CFAP418: variants seen among roughly 807,000 people sequenced by gnomAD.
CFAP418 encodes the protein cilia and flagella associated protein 418.
In CFAP418, 27 loss-of-function variants were observed where a neutral mutation model predicts 24.7. That is an observed-to-expected ratio of 1.09 (90% CI 0.81 to 1.51). The LOEUF (loss-of-function observed/expected upper bound fraction) is 1.51. Among genes scored for constraint, CFAP418 ranks in the 40% most tolerant of loss-of-function variants. The pLI is 0.00. For synonymous variants in CFAP418, 74 were observed against 87.3 expected, an observed-to-expected ratio of 0.85 and a Z score of 0.85; for missense variants, 257 against 255.2, an observed-to-expected ratio of 1.01 and a Z score of -0.05.
chr8:95,267,474 G>C (rs1430911510), intron 1 of CFAP418, among the ~76,000 whole-genome samples: 1 of 152,168 alleles, frequency 6.6e-6, no homozygotes, highest in Non-Finnish European at 1.5e-5. Context: ...GGTGGCGGGC[G>C]CCTGTAGTCT....
intron 3 of CFAP418, 87 bp downstream of exon 3, chr8:95,260,381 T>C: frequency 1.0e-6 from 1 of 959,104 alleles, no homozygotes; most frequent in Non-Finnish European, 1.6e-6. Flanking sequence ...ATGTCACTGC[T>C]GTTTAAATGG....
In CFAP418 at chr8:95,269,156, C is replaced by G. The variant is rs780006826; in HGVS notation, c.34G>C (p.Val12Leu). Residue 12 changes from valine (V) to leucine (L), a missense_variant, in exon 1 of 6, where the codon GTC becomes CTC. Transcript: ENST00000286688. ...AEDLDELLDE[V>L]ESKFCTPDLL... ...TCAGGTGTGCAAAACTTGGACTCGA[C>G]TTCATCCAAGAGCTCGTCCAGGTCC... The G allele has an allele frequency of 1.2e-6, 2 of 1,614,252 alleles. No individual in the cohort carries two copies. Among genetic ancestry groups the G allele is most frequent in the Admixed American group, 1.7e-5 (1 of 60,038 alleles).
chr8:95,257,318 T>C (rs572688527), intron 4 of CFAP418, among the ~76,000 whole-genome samples: 2 of 152,318 alleles, frequency 1.3e-5, no homozygotes, highest in East Asian at 3.9e-4. Flanking sequence ...GGTGATTCAA[T>C]TACTATTAAT....
rs370011999 is a variant in CFAP418 at position 95,252,230 on chromosome 8, T to C, written c.428A>G (p.Asp143Gly). ...IACDFLVVSY[D>G]DYMWDKSCDY... ...ACACGATTTGTCCCACATATAGTCA[T>C]CATAGCTGACTACCAAGAAATCACA... The change falls in exon 5 of 6, where the codon GAT becomes GGT. Residue 143 changes from aspartate to glycine, a missense_variant. Coordinates refer to ENST00000286688, the MANE Select transcript of CFAP418 (RefSeq NM_177965.4). 5 of 1,613,770 alleles carry C rather than the reference T, an allele frequency of 3.1e-6. No individual in the cohort carries two copies. The African/African-American group carries it at 6.7e-5, about 22-fold the overall frequency.
intron 1 of CFAP418, among the ~76,000 whole-genome samples, chr8:95,268,264 AC>A (rs778610937): frequency 2.6e-5 from 4 of 152,184 alleles, no homozygotes; most frequent in Non-Finnish European, 5.9e-5. Context: ...CCTGGCCAAC[AC>A]AGTGAGACTG....
intron 1 of CFAP418, among the ~76,000 whole-genome samples, chr8:95,265,607 C>T (rs1371855476): frequency 6.6e-6 from 1 of 152,184 alleles, no homozygotes; most frequent in Non-Finnish European, 1.5e-5. Context: ...CTTTGGCTTT[C>T]AGGACATACT....
chr8:95,254,360 C>T (rs1811755047), intron 4 of CFAP418, among the ~76,000 whole-genome samples: 2 of 152,192 alleles, frequency 1.3e-5, no homozygotes, highest in Admixed American at 6.5e-5. Flanking sequence ...AGAAATCAAA[C>T]AACGCAAATA....
intron 1 of CFAP418, 73 bp downstream of exon 1, chr8:95,268,962 G>C: frequency 6.6e-7 from 1 of 1,509,174 alleles, no homozygotes. Context: ...TTTTGGGTTG[G>C]GCGGCGGAGG....
rs942842970 is a variant in CFAP418, at chr8:95,247,559, G to C, written c.*58C>G. 7.5e-6 allele frequency: 12 copies of C among 1,592,376 alleles called. No homozygotes were observed. Among genetic ancestry groups the C allele is most frequent in the African/African-American group, 1.3e-5 (1 of 74,510 alleles). Reference sequence around the variant, plus strand: ...CTAGGGACTATTGTCTAAACATGATGATGATTCATGGAGACCACTCTCATG... The same window carrying C: ...CTAGGGACTATTGTCTAAACATGATCATGATTCATGGAGACCACTCTCATG... On this transcript the variant is annotated 3_prime_UTR_variant, in exon 6 of 6. Coordinates refer to ENST00000286688, the MANE Select transcript of CFAP418 (RefSeq NM_177965.4).
In CFAP418 at chr8:95,252,227, T is replaced by C. The variant is rs1811720150; in HGVS notation, c.431A>G (p.Asp144Gly). 1 of 1,613,736 alleles carries C rather than the reference T, an allele frequency of 6.2e-7. No homozygotes were observed. The highest frequency in any genetic ancestry group is 1.1e-5 in the South Asian group (1 of 91,018). ...ATCACACGATTTGTCCCACATATAG[T>C]CATCATAGCTGACTACCAAGAAATC... Reference protein sequence around the residue: ...ACDFLVVSYDDYMWDKSCDYL... With the variant: ...ACDFLVVSYDGYMWDKSCDYL... The change falls in exon 5 of 6, where the codon GAC (aspartate) becomes GGC (glycine). Residue 144 changes from aspartate (D) to glycine (G), a missense_variant. By Grantham distance (94) the Asp-to-Gly change is moderately conservative. Transcript: ENST00000286688.
chr8:95,250,521 T>C (rs567528079), intron 5 of CFAP418, among the ~76,000 whole-genome samples: 1 of 152,354 alleles, frequency 6.6e-6, no homozygotes, highest in South Asian at 2.1e-4. Flanking sequence ...TATCCTATGA[T>C]AGTTTTATAA....
chr8:95,266,218 T>C (rs1411023356), intron 1 of CFAP418, among the ~76,000 whole-genome samples: 2 of 152,204 alleles, frequency 1.3e-5, no homozygotes, highest in Non-Finnish European at 2.9e-5. Context: ...CAATAAATGT[T>C]GGCTGTTATT....
intron 2 of CFAP418, among the ~76,000 whole-genome samples, chr8:95,262,760 G>A (rs1208241319): frequency 2.0e-5 from 3 of 152,166 alleles, no homozygotes; most frequent in African/African-American, 7.2e-5. Flanking sequence ...AGAAACTTCC[G>A]TATATGGGTA....
At chr8:95,255,492 G>A (rs1012129030) in intron 4 of CFAP418, among the ~76,000 whole-genome samples, 2 of 152,164 alleles carry the variant, frequency 1.3e-5, no homozygotes, top group Non-Finnish European at 2.9e-5. Context: ...ATTAGTTAGA[G>A]TGTCCATTAT....
chr8:95,264,209 C>T (rs1474111818), intron 1 of CFAP418, among the ~76,000 whole-genome samples: 1 of 152,058 alleles, frequency 6.6e-6, no homozygotes, highest in African/African-American at 2.4e-5. Context: ...CTAGAGGGGC[C>T]GAAGGTCATG....
chr8:95,259,751 G>T, intron 4 of CFAP418, 89 bp downstream of exon 4: 2 of 910,742 alleles, frequency 2.2e-6, no homozygotes, highest in South Asian at 1.5e-5. Flanking sequence ...AAAACAGATT[G>T]ATGTGAAGAT....
intron 5 of CFAP418, among the ~76,000 whole-genome samples, chr8:95,248,308 A>T (rs1811657952): frequency 6.6e-6 from 1 of 152,210 alleles, no homozygotes; most frequent in African/African-American, 2.4e-5. Flanking sequence ...GAACACAATA[A>T]CCTAAAGGCT....
Position 95,253,357 on chromosome 8 carries a change from A to T in CFAP418, c.375-1074T>A, listed in dbSNP as rs150684184. Among the ~76,000 whole-genome samples, 511 of 152,312 alleles carry T rather than the reference A, an allele frequency of 3.4e-3. 7 individuals carry two copies. Among genetic ancestry groups the T allele is most frequent in the African/African-American group, 0.012 (487 of 41,578 alleles). ...AAATGTAGAAAGTTATATACTACACAGTAACCCTGGTTGCATCAGGAGTGG... is the reference window on the plus strand; with the variant it reads ...AAATGTAGAAAGTTATATACTACACTGTAACCCTGGTTGCATCAGGAGTGG... On this transcript the variant is annotated intron_variant, in intron 4 of 5. Transcript: ENST00000286688.
At chr8:95,269,007 AACAGTCC>A (rs1338427576) in intron 1 of CFAP418, 21 bp downstream of exon 1, 1 of 1,609,712 alleles carries the variant, frequency 6.2e-7, no homozygotes, top group Admixed American at 1.7e-5. Context: ...GCTTTACCAG[AACAGTCC>A]ACCCCTCCCG....
Sources: allele counts gnomAD v4.1 joint callset (sites outside exome capture counted in the v4.1 genomes callset), GRCh38; gene constraint gnomAD v4.1.1; transcripts MANE v1.5; gene names NCBI Gene and HGNC (gene_info 2026-07-23, HGNC 2026-07-21).